Variants in ZFAND3 observed in about 807,000 individuals in gnomAD.
ZFAND3 encodes the protein zinc finger AN1-type containing 3.
In ZFAND3, 10 loss-of-function variants were observed where a neutral mutation model predicts 29.6. The observed-to-expected ratio is 0.34, with a 90% CI of 0.21 to 0.57. The LOEUF (loss-of-function observed/expected upper bound fraction) is 0.57. ZFAND3 is among the 20% of genes least tolerant of loss of function. The pLI is 0.86. For synonymous variants in ZFAND3, 128 were observed against 112.6 expected (o/e 1.14, Z -0.87); for missense variants, 230 against 304.5 (o/e 0.76, Z 1.82).
intron 1 of ZFAND3, among the ~76,000 whole-genome samples, chr6:37,913,267 A>G (rs866990733): frequency 3.4e-4 from 52 of 152,350 alleles, no homozygotes; most frequent in African/African-American, 1.2e-3. Flanking sequence ...AACTTCTTTC[A>G]GAATTGGAAT....
At chr6:38,111,790 CAG>C (rs1210334123) in intron 4 of ZFAND3, among the ~76,000 whole-genome samples, 1 of 152,142 alleles carries the variant, frequency 6.6e-6, no homozygotes, top group Non-Finnish European at 1.5e-5. Flanking sequence ...TTGAGGGAGT[CAG>C]AAGTTATATG....
chr6:37,854,861 A>G (rs1419121958), intron 1 of ZFAND3, among the ~76,000 whole-genome samples: 1 of 142,026 alleles, frequency 7.0e-6, no homozygotes, highest in African/African-American at 2.6e-5. Flanking sequence ...GCAGTTATAT[A>G]TGTCTTTGGT....
intron 1 of ZFAND3, among the ~76,000 whole-genome samples, chr6:37,910,906 C>T (rs549268115): frequency 1.4e-4 from 21 of 152,144 alleles, no homozygotes; most frequent in African/African-American, 2.2e-4. Flanking sequence ...AATAGTATTC[C>T]GTTGTGTTTA....
intron 1 of ZFAND3, among the ~76,000 whole-genome samples, chr6:37,838,342 T>C (rs1764007680): frequency 1.3e-5 from 2 of 152,372 alleles, no homozygotes; most frequent in Middle Eastern, 3.4e-3. Context: ...TTCATCCTTT[T>C]GGAGTGTATA....
chr6:38,004,143 G>T (rs889268878), intron 2 of ZFAND3, among the ~76,000 whole-genome samples: 5 of 152,098 alleles, frequency 3.3e-5, no homozygotes, highest in Non-Finnish European at 7.3e-5. Context: ...GTGACATGGG[G>T]TTTAGTGTAG....
chr6:37,906,899 T>C (rs1486095067), intron 1 of ZFAND3, among the ~76,000 whole-genome samples: 1 of 152,102 alleles, frequency 6.6e-6, no homozygotes, highest in Non-Finnish European at 1.5e-5. Context: ...GAAAGCAGTC[T>C]TTTGATTATG....
At chr6:38,048,223 G>A (rs991477626) in intron 2 of ZFAND3, among the ~76,000 whole-genome samples, 1 of 151,904 alleles carries the variant, frequency 6.6e-6, no homozygotes, top group Non-Finnish European at 1.5e-5. Context: ...GGATGGTCTT[G>A]AACTCCTGAG....
intron 2 of ZFAND3, among the ~76,000 whole-genome samples, chr6:37,980,348 G>C (rs962842430): frequency 6.6e-6 from 1 of 152,138 alleles, no homozygotes; most frequent in African/African-American, 2.4e-5. Flanking sequence ...TGTCAGACTA[G>C]GCAAAGATTT....
intron 5 of ZFAND3, among the ~76,000 whole-genome samples, chr6:38,142,508 C>CT (rs1359145299): frequency 6.6e-6 from 1 of 152,236 alleles, no homozygotes; most frequent in Non-Finnish European, 1.5e-5. Context: ...GTCATCTCTA[C>CT]TTTAACTTTG....
chr6:38,153,413 A>C lies in ZFAND3; in HGVS notation c.*1024A>C, dbSNP rs1015938387. 1.4e-5 allele frequency: 14 copies of C among 985,326 alleles called. No homozygotes were observed. The highest frequency in any genetic ancestry group is 4.7e-5 in the South Asian group (1 of 21,298). The allele number at this position is 985,326 out of a possible 1,614,324, so 61.0% of individuals were successfully genotyped here. ...CCAAGAGGATGATGTCGTGGCCTCC[A>C]TTCTCGTTTCTATGCAGCCCCATAG... On this transcript the variant is annotated 3_prime_UTR_variant, in exon 6 of 6. Transcript: ENST00000287218.
At chr6:38,113,413 A>G (rs1198217728) in intron 4 of ZFAND3, among the ~76,000 whole-genome samples, 6 of 152,214 alleles carry the variant, frequency 3.9e-5, no homozygotes, top group African/African-American at 2.4e-5. Context: ...TTCCATGCCT[A>G]CTGCCTACCA....
At chr6:38,088,186 T>TA (rs1764794685) in intron 4 of ZFAND3, 1 of 152,206 alleles carries the variant, frequency 6.6e-6, no homozygotes, top group Non-Finnish European at 1.5e-5. Flanking sequence ...TATTCAACCA[T>TA]AAGAAAGAAT....
intron 1 of ZFAND3, among the ~76,000 whole-genome samples, chr6:37,847,602 A>C (rs1219178837): frequency 1.3e-5 from 2 of 152,150 alleles, no homozygotes; most frequent in Non-Finnish European, 2.9e-5. Context: ...CTATTGATAC[A>C]CAGAAAGTGT....
At chr6:37,911,172 T>C (rs1425813486) in intron 1 of ZFAND3, among the ~76,000 whole-genome samples, 1 of 152,300 alleles carries the variant, frequency 6.6e-6, no homozygotes, top group Non-Finnish European at 1.5e-5. Flanking sequence ...GTTCCCTTTT[T>C]CCCCCACGTC....
intron 3 of ZFAND3, among the ~76,000 whole-genome samples, chr6:38,072,136 T>TTCTCTCTC (rs56193979): frequency 1.1e-4 from 14 of 131,522 alleles, no homozygotes; most frequent in African/African-American, 3.9e-4. Context: ...CATTTTCTGT[T>TTCTCTCTC]TCTCTCTCTC....
chr6:38,151,093 T>A (rs1766213028), intron 5 of ZFAND3, among the ~76,000 whole-genome samples: 1 of 152,156 alleles, frequency 6.6e-6, no homozygotes. Context: ...GTGCTCCACA[T>A]GCGTATCGGC....
intron 2 of ZFAND3, among the ~76,000 whole-genome samples, chr6:37,997,772 A>C (rs1007762074): frequency 1.4e-4 from 21 of 152,176 alleles, no homozygotes; most frequent in Non-Finnish European, 2.5e-4. Context: ...GTAAATGTTT[A>C]TTCGATTTAG....
chr6:37,929,501 T>C (rs1465648987), intron 1 of ZFAND3, among the ~76,000 whole-genome samples: 5 of 152,356 alleles, frequency 3.3e-5, no homozygotes, highest in East Asian at 3.9e-4. Flanking sequence ...GCTAATGTTA[T>C]AGAGATAAAT....
chr6:38,034,789 T>C (rs11759205), intron 2 of ZFAND3, among the ~76,000 whole-genome samples: 10,388 of 152,260 alleles, frequency 0.068, 430 homozygotes, highest in Non-Finnish European at 0.087. Context: ...GAATGGTATT[T>C]ATTTTCCCAT....
Sources: gnomAD v4.1 joint callset for allele counts (sites outside exome capture counted in the v4.1 genomes callset) on GRCh38, gnomAD v4.1.1 for gene constraint, MANE v1.5 for transcripts, NCBI Gene and HGNC (gene_info 2026-07-23, HGNC 2026-07-21) for gene names.